SNTG2: variants seen among roughly 807,000 people sequenced by gnomAD.
SNTG2 encodes gamma-2-syntrophin.
Under a neutral mutation model 70.9 loss-of-function variants are expected in SNTG2, and 74 were observed. The ratio of observed to expected loss-of-function variants is 1.04; its 90% CI spans 0.86 to 1.27. SNTG2 has a LOEUF of 1.27. Ranked by LOEUF, SNTG2 falls within the 50% of genes most tolerant of loss-of-function variation. SNTG2 has a pLI of 0.00. For missense variants in SNTG2, 717 were observed against 690.7 expected, an observed-to-expected ratio of 1.04 and a Z score of -0.43; for synonymous variants, 278 against 273.8, an observed-to-expected ratio of 1.02 and a Z score of -0.15.
intron 1 of SNTG2, among the ~76,000 whole-genome samples, chr2:1,056,415 C>CCCCGCTGTGGGGAGGGAGGGAG: frequency 6.8e-5 from 1 of 14,616 alleles, no homozygotes; most frequent in Non-Finnish European, 1.1e-4. Context: ...AGGGAGAGCG[C>CCCCGCTGTGGGGAGGGAGGGAG]AGCGCCACGC....
intron 8 of SNTG2, among the ~76,000 whole-genome samples, chr2:1,178,085 G>A (rs1358531482): frequency 6.6e-6 from 1 of 152,124 alleles, no homozygotes; most frequent in African/African-American, 2.4e-5. Context: ...TCAAAATCCT[G>A]TAAGAATTTT....
chr2:1,350,194 G>A (rs1436552952), intron 16 of SNTG2, among the ~76,000 whole-genome samples: 1 of 152,062 alleles, frequency 6.6e-6, no homozygotes, highest in Non-Finnish European at 1.5e-5. Context: ...GTTTTTTAAT[G>A]TGTGGTGATT....
chr2:1,227,619 G>A (rs1346408452), intron 9 of SNTG2, among the ~76,000 whole-genome samples: 1 of 152,248 alleles, frequency 6.6e-6, no homozygotes, highest in Non-Finnish European at 1.5e-5. Context: ...CTGTTGGAGT[G>A]TGGGCCTGTG....
chr2:956,102 C>G (rs540568255), intron 1 of SNTG2, among the ~76,000 whole-genome samples: 2,059 of 141,122 alleles, frequency 0.015, 78 homozygotes, highest in African/African-American at 0.054. Flanking sequence ...GCACCTGCCC[C>G]TACCCCTGCC....
chr2:1,168,776 G>A (rs1273825144), intron 7 of SNTG2, among the ~76,000 whole-genome samples: 1 of 152,212 alleles, frequency 6.6e-6, no homozygotes. Context: ...TCTGCTAGAA[G>A]GAGCCACGGG....
intron 4 of SNTG2, among the ~76,000 whole-genome samples, chr2:1,122,447 T>C (rs1200956592): frequency 6.6e-6 from 1 of 152,096 alleles, no homozygotes; most frequent in African/African-American, 2.4e-5. Context: ...GTGAGGCCAG[T>C]TTAACATTTT....
chr2:1,011,813 TA>T (rs1209922648), intron 1 of SNTG2, among the ~76,000 whole-genome samples: 3 of 152,160 alleles, frequency 2.0e-5, no homozygotes, highest in South Asian at 2.1e-4. Flanking sequence ...AAAACACATT[TA>T]AAAAACACAT....
chr2:1,015,364 C>T (rs536685459), intron 1 of SNTG2, among the ~76,000 whole-genome samples: 40 of 152,218 alleles, frequency 2.6e-4, no homozygotes, highest in Non-Finnish European at 4.9e-4. Flanking sequence ...ATAAAATATC[C>T]ACACATATAT....
At chr2:1,051,186 T>TTTCCTCCC (rs764501213) in intron 1 of SNTG2, among the ~76,000 whole-genome samples, 9 of 117,126 alleles carry the variant, frequency 7.7e-5, no homozygotes, top group African/African-American at 1.8e-4. Flanking sequence ...CCCTCCTTCC[T>TTTCCTCCC]TTCCTCCCTT....
chr2:1,005,859 A>ATG (rs1659554343), intron 1 of SNTG2, among the ~76,000 whole-genome samples: 2 of 24,086 alleles, frequency 8.3e-5, no homozygotes, highest in African/African-American at 3.2e-4. Context: ...ATATATATAT[A>ATG]TATATATATA....
chr2:1,309,550 C>T (rs1175304362), intron 15 of SNTG2, among the ~76,000 whole-genome samples: 5 of 152,236 alleles, frequency 3.3e-5, no homozygotes, highest in Non-Finnish European at 7.3e-5. Context: ...ATCCAGGGCA[C>T]CTGCAGGGTG....
At chr2:1,131,656 T>G (rs1431553141) in intron 4 of SNTG2, among the ~76,000 whole-genome samples, 1 of 151,922 alleles carries the variant, frequency 6.6e-6, no homozygotes, top group Non-Finnish European at 1.5e-5. Flanking sequence ...TTTTTTCTTT[T>G]CTTTTTTTTT....
chr2:1,071,216 G>T (rs1663518612), intron 1 of SNTG2, among the ~76,000 whole-genome samples: 2 of 151,690 alleles, frequency 1.3e-5, no homozygotes, highest in South Asian at 4.2e-4. Flanking sequence ...GTTTATTGCG[G>T]CATTACTCAC....
At chr2:1,110,930 AATCTTT>A (rs1399903866) in intron 4 of SNTG2, among the ~76,000 whole-genome samples, 1 of 152,184 alleles carries the variant, frequency 6.6e-6, no homozygotes, top group Non-Finnish European at 1.5e-5. Context: ...CAATGTCAGA[AATCTTT>A]TCTCACCTGG....
At chr2:1,069,635 A>G (rs1315987294) in intron 1 of SNTG2, among the ~76,000 whole-genome samples, 1 of 152,060 alleles carries the variant, frequency 6.6e-6, no homozygotes, top group Non-Finnish European at 1.5e-5. Context: ...TACTAAAAAT[A>G]CAAAAATTTG....
chr2:965,985 C>T (rs919027375), intron 1 of SNTG2, among the ~76,000 whole-genome samples: 3 of 152,202 alleles, frequency 2.0e-5, no homozygotes, highest in African/African-American at 7.2e-5. Context: ...GCTGCTCCCA[C>T]TCAGTCCCTG....
At position 1,236,787 on chromosome 2, in the gene SNTG2, G is replaced by A. The variant is rs923691634; in HGVS notation, c.720-1101G>A. On this transcript the variant is annotated intron_variant, in intron 9 of 16. Transcript: ENST00000308624. Reference sequence around the variant, plus strand: ...ACCCCACCTTGCCTAAGAAAGCAGCGATGACACTCACATTTGAAAGATTAT... The same window carrying A: ...ACCCCACCTTGCCTAAGAAAGCAGCAATGACACTCACATTTGAAAGATTAT... Among the ~76,000 whole-genome samples, 6 of 152,162 alleles carry A rather than the reference G, an allele frequency of 3.9e-5. No individual in the cohort carries two copies. The South Asian group carries it at 6.2e-4, about 16-fold the overall frequency.
intron 16 of SNTG2, among the ~76,000 whole-genome samples, chr2:1,354,976 C>T (rs1660766410): frequency 6.6e-6 from 1 of 152,196 alleles, no homozygotes; most frequent in Admixed American, 6.5e-5. Flanking sequence ...CTTCAGGCTT[C>T]TGTGGCCTCG....
intron 6 of SNTG2, among the ~76,000 whole-genome samples, chr2:1,147,673 A>G (rs767980713): frequency 3.3e-5 from 5 of 152,202 alleles, no homozygotes; most frequent in Non-Finnish European, 5.9e-5. Context: ...ATACCCAAGT[A>G]TGGGGGGTAA....
Sources: allele counts gnomAD v4.1 joint callset (sites outside exome capture counted in the v4.1 genomes callset), GRCh38; gene constraint gnomAD v4.1.1; transcripts MANE v1.5; gene names NCBI Gene and HGNC (gene_info 2026-07-23, HGNC 2026-07-21).